TTYH2: variants seen among roughly 807,000 people sequenced by gnomAD.
TTYH2 encodes protein tweety homolog 2.
In TTYH2, 49 loss-of-function variants were observed where a neutral mutation model predicts 68.3. The observed-to-expected ratio is 0.72, with a 90% confidence interval of 0.57 to 0.91. The LOEUF (loss-of-function observed/expected upper bound fraction) is 0.91. Among genes scored for constraint, TTYH2 ranks in the 40% least tolerant of loss-of-function variants. The pLI, the probability that TTYH2 is intolerant of heterozygous loss-of-function variation, is 0.00. For synonymous variants in TTYH2, 272 were observed against 300.8 expected, an observed-to-expected ratio of 0.90 and a Z score of 0.99; for missense variants, 631 against 700.4, an observed-to-expected ratio of 0.90 and a Z score of 1.12.
Position 74,236,276 on chromosome 17 carries a change from C to T in TTYH2, c.415-1018C>T, listed in dbSNP as rs548780868. On this transcript the variant is annotated intron_variant, in intron 3 of 13. Coordinates refer to ENST00000269346, the MANE Select transcript of TTYH2 (RefSeq NM_032646.6). ...TTTTGTTTTTGCAAAGTCCCATTGTCCTGCCTTCACTCAGCGTTCAGGACC... is the reference window on the plus strand; with the variant it reads ...TTTTGTTTTTGCAAAGTCCCATTGTTCTGCCTTCACTCAGCGTTCAGGACC... 9.2e-5 allele frequency among the ~76,000 whole-genome samples: 14 copies of T among 152,348 alleles called. 1 individual carries two copies. The South Asian group carries it at 2.9e-3, about 32-fold the overall frequency.
chr17:74,250,035 C>A lies in TTYH2; in HGVS notation c.1023+7C>A, dbSNP rs755743808. On this transcript the variant is annotated splice_region_variant and intron_variant, in intron 9 of 13. Transcript: ENST00000269346. Reference sequence around the variant, plus strand: ...CCTCTTCTCCACTGCAGAGGTAAGGCAGCTGTGCAGGAAGAGGGGAGCCCC... The same window carrying A: ...CCTCTTCTCCACTGCAGAGGTAAGGAAGCTGTGCAGGAAGAGGGGAGCCCC... The A allele has an allele frequency of 1.2e-6, 2 of 1,613,784 alleles. No homozygotes were observed. Among genetic ancestry groups the A allele is most frequent in the South Asian group, 1.1e-5 (1 of 91,074 alleles).
chr17:74,259,539 C>T (rs1353400698), intron 13 of TTYH2, among the ~76,000 whole-genome samples: 2 of 152,118 alleles, frequency 1.3e-5, no homozygotes, highest in Non-Finnish European at 2.9e-5. Context: ...CAAAAATATA[C>T]ATATTTATAT....
At position 74,249,055 on chromosome 17, in the gene TTYH2, C is replaced by T. The variant is rs371708540; in HGVS notation, c.849C>T (p.Asn283=). 1.4e-5 allele frequency: 23 copies of T among 1,614,092 alleles called. No homozygotes were observed. The highest frequency in any genetic ancestry group is 1.6e-4 in the Middle Eastern group (1 of 6,082). ...TGGCTCCTGACACCTTCATCCTGAA[C>T]GTCACGGAGGGCCAGATCAGCACAG... The part of the protein sequence containing the change: ...FCVAPDTFIL[N]VTEGQISTEV... Residue 283 remains asparagine, a synonymous_variant, in exon 7 of 14, where the codon AAC becomes AAT. Transcript: ENST00000269346.
chr17:74,247,565 T>TA (rs1463359353), intron 6 of TTYH2, among the ~76,000 whole-genome samples: 2 of 152,116 alleles, frequency 1.3e-5, no homozygotes, highest in Middle Eastern at 3.2e-3. Context: ...TGTGGAGCCT[T>TA]GGACTGGAGC....
At chr17:74,227,164 G>A (rs1373284060) in intron 2 of TTYH2, among the ~76,000 whole-genome samples, 1 of 152,028 alleles carries the variant, frequency 6.6e-6, no homozygotes, top group African/African-American at 2.4e-5. Context: ...TAGTAGAGAT[G>A]GGGTTTTGCC....
chr17:74,236,133 G>A (rs2050440805), intron 3 of TTYH2, among the ~76,000 whole-genome samples: 1 of 152,178 alleles, frequency 6.6e-6, no homozygotes, highest in Admixed American at 6.5e-5. Context: ...AGGGACAGGA[G>A]CCTGTCTGCC....
chr17:74,259,420 G>GC (rs2050725336), intron 13 of TTYH2, among the ~76,000 whole-genome samples: 1 of 151,986 alleles, frequency 6.6e-6, no homozygotes, highest in Non-Finnish European at 1.5e-5. Flanking sequence ...TTGCCATTTT[G>GC]CCCAGGCTGG....
Position 74,250,673 on chromosome 17 carries a change from C to T in TTYH2, c.1116+316C>T, listed in dbSNP as rs982761313. On this transcript the variant is annotated intron_variant, in intron 10 of 13. Transcript: ENST00000269346. The stretch of plus-strand genomic sequence containing the variant: ...TCCAGACTCCTAGCCATTTCCTCAA[C>T]ACATCTGTCTCCCTGGGTTGCAAGT... 7 of 241,224 alleles carry T rather than the reference C, an allele frequency of 2.9e-5. No individual in the cohort carries two copies. The East Asian group carries it at 5.5e-4, about 19-fold the overall frequency. 14.9% of individuals were successfully genotyped at this position (241,224 alleles called of 1,614,324 possible).
At chr17:74,219,800 A>G (rs149544207) in intron 1 of TTYH2, among the ~76,000 whole-genome samples, 124 of 151,990 alleles carry the variant, frequency 8.2e-4, no homozygotes, top group African/African-American at 2.3e-3. Flanking sequence ...CATGTTCTAT[A>G]TCTTTTCTCT....
At position 74,252,147 on chromosome 17, in the gene TTYH2, G is replaced by A. The variant is rs531226380; in HGVS notation, c.1117-87G>A. ...GCCAGGAGACCCCAGGTCCAGGCTC[G>A]GGGGAGAGGGACTTCCAGAGGAGAG... On this transcript the variant is annotated intron_variant, in intron 10 of 13. Coordinates refer to ENST00000269346, the MANE Select transcript of TTYH2 (RefSeq NM_032646.6). 136 of 1,557,940 alleles carry A rather than the reference G, an allele frequency of 8.7e-5. No homozygotes were observed. In the African/African-American group the frequency reaches 1.4e-3, roughly 16 times the overall value.
intron 7 of TTYH2, 98 bp downstream of exon 7, chr17:74,249,178 C>T (rs1157927221): frequency 1.7e-5 from 27 of 1,582,302 alleles, no homozygotes; most frequent in Non-Finnish European, 2.2e-5. Context: ...CCAACCCCTC[C>T]TCAACCCTGA....
intron 6 of TTYH2, among the ~76,000 whole-genome samples, chr17:74,247,716 G>A (rs956232449): frequency 6.6e-6 from 1 of 152,230 alleles, no homozygotes; most frequent in South Asian, 2.1e-4. Flanking sequence ...CAGCCAGGGG[G>A]TGGGGGCACA....
intron 13 of TTYH2, among the ~76,000 whole-genome samples, chr17:74,258,366 A>G (rs1048013340): frequency 6.6e-6 from 1 of 150,684 alleles, no homozygotes; most frequent in African/African-American, 2.4e-5. Context: ...CCCAGGACCA[A>G]GCGATTCTCC....
At chr17:74,247,181 CAAAA>C (rs71157049) in intron 6 of TTYH2, among the ~76,000 whole-genome samples, 2 of 77,220 alleles carry the variant, frequency 2.6e-5, no homozygotes, top group Non-Finnish European at 2.7e-5. Context: ...GACTCTGTCT[CAAAA>C]AAAAAAAAAA....
At chr17:74,259,851 G>C (rs1212086182) in intron 13 of TTYH2, among the ~76,000 whole-genome samples, 1 of 152,188 alleles carries the variant, frequency 6.6e-6, no homozygotes, top group African/African-American at 2.4e-5. Flanking sequence ...GCTCCTCCGT[G>C]CGCTGGTGGA....
At chr17:74,243,906 AG>A in intron 5 of TTYH2, 70 bp from the exon 6 acceptor site, 1 of 1,167,030 alleles carries the variant, frequency 8.6e-7, no homozygotes, top group Middle Eastern at 3.4e-4. Context: ...GTCTGGGGGC[AG>A]GGTGGGTGGG....
chr17:74,217,307 G>A lies in TTYH2; in HGVS notation c.129+3591G>A, dbSNP rs1275463660. 6.6e-6 allele frequency among the ~76,000 whole-genome samples: 1 copy of A among 152,240 alleles called. No individual in the cohort carries two copies. The highest frequency in any genetic ancestry group is 1.5e-5 in the Non-Finnish European group (1 of 68,042). ...GCTCTTTGGGGACATGTGTTAGGAG[G>A]CAGAGGAGATGTTGTTAATTTTTTT... On this transcript the variant is annotated intron_variant, in intron 1 of 13. Coordinates refer to ENST00000269346, the MANE Select transcript of TTYH2 (RefSeq NM_032646.6). The surrounding 1 kb of genome is among the most constrained non-coding windows in gnomAD (Gnocchi z 4.0).
intron 3 of TTYH2, among the ~76,000 whole-genome samples, chr17:74,234,484 A>G (rs570612122): frequency 6.6e-6 from 1 of 152,348 alleles, no homozygotes; most frequent in South Asian, 2.1e-4. Flanking sequence ...CACTGCTGTC[A>G]TTCTTATTTT....
chr17:74,220,531 A>G (rs181131912), intron 1 of TTYH2, among the ~76,000 whole-genome samples: 90 of 152,308 alleles, frequency 5.9e-4, no homozygotes, highest in African/African-American at 2.0e-3. Flanking sequence ...CTCAACTCCC[A>G]GCTGTCTTGG....
Sources: gnomAD v4.1 joint callset for allele counts (sites outside exome capture counted in the v4.1 genomes callset) on GRCh38, gnomAD v4.1.1 for gene constraint, Gnocchi (gnomAD v3.1) non-coding constraint, MANE v1.5 for transcripts, NCBI Gene and HGNC (gene_info 2026-07-23, HGNC 2026-07-21) for gene names.